CFH: variants seen among roughly 807,000 people sequenced by gnomAD.
CFH encodes H factor 1 (complement).
Under a neutral mutation model 147.3 loss-of-function variants are expected in CFH, and 53 were observed. That is an observed-to-expected ratio of 0.36 (90% CI 0.29 to 0.45). CFH has a LOEUF of 0.45. CFH is among the 20% of genes least tolerant of loss of function. The probability of loss-of-function intolerance (pLI) is 1.00; values close to 1 mark genes in which losing one functional copy is unlikely to be tolerated. For missense variants in CFH, 1,380 were observed against 1,498.0 expected (o/e 0.92, Z 1.30); for synonymous variants, 536 against 489.4 (o/e 1.10, Z -1.26).
chr1:196,714,635 G>GTATGTATATATA (rs1553278044), intron 10 of CFH, among the ~76,000 whole-genome samples: 2 of 24,924 alleles, frequency 8.0e-5, no homozygotes, highest in Non-Finnish European at 7.2e-5. Context: ...ACGTATATAT[G>GTATGTATATATA]TATATATATA....
At position 196,715,587 on chromosome 1, in the gene CFH, C is replaced by A. The variant is rs1668850914; in HGVS notation, c.1520-6C>A. On this transcript the variant is annotated splice_polypyrimidine_tract_variant and splice_region_variant and intron_variant, in intron 10 of 21. Coordinates refer to ENST00000367429, the MANE Select transcript of CFH (RefSeq NM_000186.4). ...GAAATGACATTCTAAATTTTTTATG[C>A]ACTAGAATCTTGTGATATCCCAGTA... 1 of 1,603,860 alleles carries A rather than the reference C, an allele frequency of 6.2e-7. No homozygotes were observed.
rs190778135 is a variant in CFH, at chr1:196,741,868, A to G, written c.2957-7A>G. 216 of 1,613,778 alleles carry G rather than the reference A, an allele frequency of 1.3e-4. No homozygotes were observed. Among genetic ancestry groups the G allele is most frequent in the African/African-American group, 1.0e-3 (77 of 75,028 alleles). ...TGCGGAACAAATACATATTTTTCCT[A>G]TTTCAGAAACAGATTGTCTCAGTTT... is the stretch of plus-strand genomic sequence containing the variant. On this transcript the variant is annotated splice_polypyrimidine_tract_variant and splice_region_variant and intron_variant, in intron 18 of 21. Coordinates refer to ENST00000367429, the MANE Select transcript of CFH (RefSeq NM_000186.4).
At chr1:196,703,635 G>A (rs1328681105) in intron 9 of CFH, among the ~76,000 whole-genome samples, 1 of 152,066 alleles carries the variant, frequency 6.6e-6, no homozygotes, top group East Asian at 1.9e-4. Flanking sequence ...CAGAAAAAAT[G>A]CTGATGAGAT....
chr1:196,685,909 A>T (rs1043191449), intron 7 of CFH, among the ~76,000 whole-genome samples: 5 of 152,128 alleles, frequency 3.3e-5, no homozygotes, highest in African/African-American at 1.2e-4. Context: ...CTGAGACTGG[A>T]TAATTTATGA....
intron 21 of CFH, among the ~76,000 whole-genome samples, chr1:196,746,352 G>C (rs1009985780): frequency 1.6e-4 from 24 of 152,178 alleles, no homozygotes; most frequent in Admixed American, 9.2e-4. Flanking sequence ...TCGGGAGTCT[G>C]AGGCAGGAAA....
intron 7 of CFH, among the ~76,000 whole-genome samples, 167 bp from the exon 8 acceptor site, chr1:196,689,253 A>C (rs1326320552): frequency 6.6e-6 from 1 of 152,142 alleles, no homozygotes; most frequent in African/African-American, 2.4e-5. Context: ...TTCTTGTTAC[A>C]TATCTCAGTC....
intron 9 of CFH, among the ~76,000 whole-genome samples, chr1:196,699,282 T>A (rs1252638403): frequency 6.6e-6 from 1 of 152,180 alleles, no homozygotes; most frequent in Non-Finnish European, 1.5e-5. Context: ...TGGTATTGCA[T>A]TCCCTAGTGA....
intron 11 of CFH, among the ~76,000 whole-genome samples, chr1:196,719,067 G>A (rs970573511): frequency 3.9e-5 from 6 of 151,978 alleles, no homozygotes; most frequent in African/African-American, 1.4e-4. Context: ...GCTAAATAAG[G>A]AGTATGTATC....
Position 196,743,680 on chromosome 1 carries a change from A to C in CFH, c.3310+52A>C, listed in dbSNP as rs182976911. 6.8e-6 allele frequency: 11 copies of C among 1,610,930 alleles called. No homozygotes were observed. In the East Asian group the frequency reaches 2.5e-4, roughly 36 times the overall value. On this transcript the variant is annotated intron_variant, in intron 20 of 21. Transcript: ENST00000367429. ...TTTGGGGGAGTATAGCAGGGTTAAAATATGTTGATTTAAACAAAATGAAGT... is the reference window on the plus strand; with the variant it reads ...TTTGGGGGAGTATAGCAGGGTTAAACTATGTTGATTTAAACAAAATGAAGT...
At chr1:196,739,066 G>A (rs985867577) in intron 17 of CFH, among the ~76,000 whole-genome samples, 1 of 152,244 alleles carries the variant, frequency 6.6e-6, no homozygotes, top group Non-Finnish European at 1.5e-5. Context: ...CAAGCTGTTT[G>A]TTGGCCCCTT....
At chr1:196,675,746 A>T (rs1667432254) in intron 3 of CFH, among the ~76,000 whole-genome samples, 1 of 152,082 alleles carries the variant, frequency 6.6e-6, no homozygotes, top group Non-Finnish European at 1.5e-5. Flanking sequence ...AGGTTAAGAG[A>T]TTTTTCATCT....
In CFH at chr1:196,725,194, A is replaced by G; in HGVS notation, c.1770A>G (p.Gly590=). The change falls in exon 12 of 22, where the codon GGA becomes GGG. Residue 590 remains glycine, a synonymous_variant. Coordinates refer to ENST00000367429, the MANE Select transcript of CFH (RefSeq NM_000186.4). ...GCAAGAAAGACCAGTATAAAGTTGG[A>G]GAGGTGTTGAAATTCTCCTGCAAAC... ...PDRKKDQYKV[G]EVLKFSCKPG... 1.2e-6 allele frequency: 2 copies of G among 1,613,776 alleles called. No homozygotes were observed. Among genetic ancestry groups the G allele is most frequent in the Non-Finnish European group, 1.7e-6 (2 of 1,179,752 alleles).
intron 11 of CFH, among the ~76,000 whole-genome samples, chr1:196,724,248 C>A (rs567215903): frequency 2.0e-4 from 30 of 151,812 alleles, no homozygotes; most frequent in Non-Finnish European, 4.4e-5. Context: ...AAGCAGGTGA[C>A]AGGGAATATT....
In CFH at chr1:196,741,929, A is replaced by G; in HGVS notation, c.3011A>G (p.Lys1004Arg). The G allele has an allele frequency of 6.2e-7, 1 of 1,614,190 alleles. No individual in the cohort carries two copies. The highest frequency in any genetic ancestry group is 1.1e-5 in the South Asian group (1 of 91,086). The change falls in exon 19 of 22, where the codon AAG (lysine) becomes AGG (arginine). Residue 1004 changes from lysine to arginine, a missense_variant. Physicochemically the swap from Lys to Arg is conservative, Grantham distance 26 (BLOSUM62 2). Coordinates refer to ENST00000367429, the MANE Select transcript of CFH (RefSeq NM_000186.4). ...SFENAIPMGE[K>R]KDVYKAGEQV... is the part of the protein sequence containing the mutation. ...GAAAATGCCATACCCATGGGAGAGA[A>G]GAAGGATGTGTATAAGGCGGGTGAG...
intron 10 of CFH, among the ~76,000 whole-genome samples, chr1:196,714,707 A>AGAGAGAGAGG (rs1668824799): frequency 8.0e-6 from 1 of 124,990 alleles, no homozygotes; most frequent in Non-Finnish European, 1.7e-5. Context: ...AGAGAGAGAG[A>AGAGAGAGAGG]GAGAGAGAGA....
chr1:196,718,349 T>A (rs1668920998), intron 11 of CFH, among the ~76,000 whole-genome samples: 1 of 152,154 alleles, frequency 6.6e-6, no homozygotes, highest in South Asian at 2.1e-4. Context: ...GAACTGGAGA[T>A]CTGTTTTACA....
At chr1:196,724,912 T>C (rs908034637) in intron 11 of CFH, among the ~76,000 whole-genome samples, 2 of 152,220 alleles carry the variant, frequency 1.3e-5, no homozygotes, top group African/African-American at 4.8e-5. Flanking sequence ...AACAGATATA[T>C]TTCAATACCA....
At chr1:196,656,905 G>A (rs1010211971) in intron 1 of CFH, among the ~76,000 whole-genome samples, 15 of 151,912 alleles carry the variant, frequency 9.9e-5, no homozygotes, top group African/African-American at 2.7e-4. Flanking sequence ...TGTGACTATC[G>A]TCTATTCTCC....
intron 9 of CFH, among the ~76,000 whole-genome samples, chr1:196,712,577 C>A (rs1668746393): frequency 6.6e-6 from 1 of 151,408 alleles, no homozygotes; most frequent in South Asian, 2.1e-4. Context: ...TGGGAAGCAA[C>A]CTAGTAAACG....
Sources: allele counts gnomAD v4.1 joint callset (sites outside exome capture counted in the v4.1 genomes callset), GRCh38; gene constraint gnomAD v4.1.1; transcripts MANE v1.5; gene names NCBI Gene and HGNC (gene_info 2026-07-23, HGNC 2026-07-21).